Variants in SGCD observed in about 807,000 individuals in gnomAD.
The protein encoded by SGCD is sarcoglycan delta, also known as delta-sarcoglycan.
A neutral mutation model predicts 36.6 loss-of-function variants in SGCD; 18 were observed. That is an observed-to-expected ratio of 0.49 (90% CI 0.34 to 0.73). The LOEUF is 0.73. Among genes scored for constraint, SGCD ranks in the 30% least tolerant of loss-of-function variants. The probability of loss-of-function intolerance (pLI) is 0.01; values close to 1 mark genes in which losing one functional copy is unlikely to be tolerated. For synonymous variants in SGCD, 133 were observed against 130.6 expected (o/e 1.02, Z -0.12); for missense variants, 387 against 346.7 (o/e 1.12, Z -0.92).
intron 3 of SGCD, among the ~76,000 whole-genome samples, chr5:156,195,725 T>C (rs1764009956): frequency 6.6e-6 from 1 of 152,148 alleles, no homozygotes; most frequent in Non-Finnish European, 1.5e-5. Flanking sequence ...GGGCAAACCA[T>C]CTCCTAGTCT....
At chr5:155,984,601 A>G (rs910887165) in intron 1 of SGCD, among the ~76,000 whole-genome samples, 22 of 152,176 alleles carry the variant, frequency 1.4e-4, no homozygotes, top group African/African-American at 5.1e-4. Flanking sequence ...TTCGGCATTA[A>G]TCTGTTATCC....
intron 3 of SGCD, among the ~76,000 whole-genome samples, chr5:156,297,791 AAAATAAATAAAT>A (rs34901027): frequency 1.7e-4 from 25 of 144,268 alleles, no homozygotes; most frequent in East Asian, 5.8e-4. Flanking sequence ...GTATAATAAA[AAAATAAATAAAT>A]AAATAAATAA....
chr5:156,157,975 C>T (rs748836169), intron 3 of SGCD, among the ~76,000 whole-genome samples: 55 of 151,352 alleles, frequency 3.6e-4, no homozygotes, highest in Non-Finnish European at 7.4e-4. Context: ...TTATGTGAGT[C>T]GCTCAAACTA....
At chr5:156,528,807 G>A (rs1455268698) in intron 4 of SGCD, among the ~76,000 whole-genome samples, 1 of 152,136 alleles carries the variant, frequency 6.6e-6, no homozygotes, top group East Asian at 1.9e-4. Context: ...GTTATAGATA[G>A]GACATTTTAA....
At position 156,082,502 on chromosome 5, in the gene SGCD, G is replaced by A. The variant is rs74935797; in HGVS notation, c.-281-35376G>A. On this transcript the variant is annotated intron_variant, in intron 1 of 9. Transcript: ENST00000517913. The stretch of plus-strand genomic sequence containing the variant: ...ATACAGTATTTAATATTTTGTGATT[G>A]GCTTTAACTCCACATAATCCTCTGC... Among the ~76,000 whole-genome samples the A allele has an allele frequency of 5.0e-3, 763 of 152,202 alleles. 10 individuals are homozygous for A. The highest frequency in any genetic ancestry group is 0.017 in the African/African-American group (722 of 41,514).
chr5:155,843,752 G>A, the SGCD span, among the ~76,000 whole-genome samples: 4 of 152,138 alleles, frequency 2.6e-5, no homozygotes, highest in African/African-American at 9.7e-5. Flanking sequence ...ACATGGAGTA[G>A]GGGGGCTACA....
intron 3 of SGCD, among the ~76,000 whole-genome samples, chr5:156,367,087 G>A (rs73291251): frequency 0.016 from 2,483 of 152,264 alleles, 72 homozygotes; most frequent in African/African-American, 0.057. Flanking sequence ...TAAAATGACT[G>A]GGGGAGGTAA....
At chr5:156,241,489 T>C (rs1333448512) in intron 3 of SGCD, among the ~76,000 whole-genome samples, 1 of 152,188 alleles carries the variant, frequency 6.6e-6, no homozygotes, top group Non-Finnish European at 1.5e-5. Context: ...AGAACATGTA[T>C]GCATAAACCA....
intron 7 of SGCD, among the ~76,000 whole-genome samples, chr5:156,667,490 G>C (rs1289883278): frequency 2.0e-5 from 3 of 152,150 alleles, no homozygotes; most frequent in Non-Finnish European, 4.4e-5. Flanking sequence ...TGCATTTATA[G>C]GATTAATAAT....
intron 6 of SGCD, among the ~76,000 whole-genome samples, chr5:156,646,747 G>T (rs746228446): frequency 2.8e-4 from 43 of 152,180 alleles, no homozygotes; most frequent in Non-Finnish European, 5.7e-4. Flanking sequence ...AGGCTTAAAT[G>T]ATTTGAAAAC....
At chr5:156,356,677 C>G (rs1305065346) in intron 3 of SGCD, among the ~76,000 whole-genome samples, 1 of 152,140 alleles carries the variant, frequency 6.6e-6, no homozygotes, top group African/African-American at 2.4e-5. Flanking sequence ...TAGTGCCCCC[C>G]TACATTATAT....
chr5:155,879,453 C>G lies in SGCD; in HGVS notation c.-282+9029C>G, dbSNP rs116382505. On this transcript the variant is annotated intron_variant, in intron 1 of 9. Transcript: ENST00000517913. ...ACTGAAAACGTTCTTGACAACTTCC[C>G]TGGATAGCGTTGTCTCCTCCAAATT... 2.1e-3 allele frequency among the ~76,000 whole-genome samples: 322 copies of G among 152,168 alleles called. 2 individuals carry two copies. Among genetic ancestry groups the G allele is most frequent in the African/African-American group, 7.1e-3 (293 of 41,546 alleles).
chr5:156,068,905 G>A (rs1014802769), intron 1 of SGCD, among the ~76,000 whole-genome samples: 1 of 151,896 alleles, frequency 6.6e-6, no homozygotes, highest in East Asian at 1.9e-4. Context: ...GTGTTTTTTG[G>A]CTGCGTAAAT....
intron 3 of SGCD, among the ~76,000 whole-genome samples, chr5:156,192,361 A>T (rs911209427): frequency 2.6e-5 from 4 of 152,200 alleles, no homozygotes; most frequent in African/African-American, 7.2e-5. Context: ...TAAGTGAAAT[A>T]TGCCAGGTAC....
chr5:156,205,036 C>A (rs73300684), intron 3 of SGCD, among the ~76,000 whole-genome samples: 1,613 of 152,142 alleles, frequency 0.011, 33 homozygotes, highest in African/African-American at 0.037. Flanking sequence ...ATATCAATTG[C>A]TGTTTTGCTG....
Position 156,244,884 on chromosome 5 carries a change from A to G in SGCD, c.-43-84650A>G, listed in dbSNP as rs187673158. ...TTCAACAATTAGCAACATGTGGCCA[A>G]TCTTGTTTCATTGAAACCTTTCCCC... On this transcript the variant is annotated intron_variant, in intron 3 of 9. Coordinates refer to the SGCD transcript ENST00000517913. Among the ~76,000 whole-genome samples, 331 of 152,338 alleles carry G rather than the reference A, an allele frequency of 2.2e-3. 2 individuals are homozygous for G. The highest frequency in any genetic ancestry group is 7.7e-3 in the African/African-American group (321 of 41,574).
chr5:156,619,487 A>T (rs1459927380), intron 6 of SGCD, among the ~76,000 whole-genome samples: 2 of 152,222 alleles, frequency 1.3e-5, no homozygotes, highest in African/African-American at 2.4e-5. Flanking sequence ...CCAGTTAATA[A>T]CAAGGACAGA....
intron 4 of SGCD, among the ~76,000 whole-genome samples, chr5:156,558,263 G>A (rs1045182561): frequency 1.3e-5 from 2 of 151,554 alleles, no homozygotes; most frequent in Non-Finnish European, 2.9e-5. Context: ...TCCCATGTCA[G>A]CTTCCTTACC....
At chr5:156,723,999 C>G (rs187540423) in intron 7 of SGCD, among the ~76,000 whole-genome samples, 5 of 152,080 alleles carry the variant, frequency 3.3e-5, no homozygotes, top group African/African-American at 1.2e-4. Context: ...TCTCATGTTC[C>G]AGAGGAGAGA....
Sources: allele counts gnomAD v4.1 joint callset (sites outside exome capture counted in the v4.1 genomes callset), GRCh38; gene constraint gnomAD v4.1.1; transcripts MANE v1.5; gene names NCBI Gene and HGNC (gene_info 2026-07-23, HGNC 2026-07-21).